Variants in SOS1 observed in about 807,000 individuals in gnomAD.
The protein encoded by SOS1 is son of sevenless homolog 1.
Under a neutral mutation model 157.6 loss-of-function variants are expected in SOS1, and 25 were observed. The ratio of observed to expected loss-of-function variants is 0.16; its 90% CI spans 0.12 to 0.22. The LOEUF (loss-of-function observed/expected upper bound fraction) is 0.22. Ranked by LOEUF, SOS1 falls within the 10% of genes least tolerant of loss-of-function variation. The probability of loss-of-function intolerance (pLI) is 1.00; values close to 1 mark genes in which losing one functional copy is unlikely to be tolerated. For missense variants in SOS1, 1,237 were observed against 1,599.1 expected (o/e 0.77, Z 3.86); for synonymous variants, 528 against 534.0 (o/e 0.99, Z 0.16).
chr2:39,095,055 C>G (rs1179883537), intron 1 of SOS1, among the ~76,000 whole-genome samples: 1 of 152,172 alleles, frequency 6.6e-6, no homozygotes, highest in African/African-American at 2.4e-5. Context: ...CATCCTTCCT[C>G]TCAGCTACCA....
At chr2:39,007,738 A>C (rs1036094129) in intron 15 of SOS1, among the ~76,000 whole-genome samples, 1 of 152,174 alleles carries the variant, frequency 6.6e-6, no homozygotes, top group Non-Finnish European at 1.5e-5. Flanking sequence ...ATATAATTGC[A>C]TTGAGATTCT....
At chr2:39,112,505 G>A (rs1240052972) in intron 1 of SOS1, among the ~76,000 whole-genome samples, 1 of 152,060 alleles carries the variant, frequency 6.6e-6, no homozygotes, top group African/African-American at 2.4e-5. Context: ...GTTTCACCAT[G>A]TTGCCCAGGC....
intron 17 of SOS1, among the ~76,000 whole-genome samples, chr2:39,001,651 A>G (rs1327998622): frequency 6.6e-6 from 1 of 152,230 alleles, no homozygotes; most frequent in Non-Finnish European, 1.5e-5. Context: ...TCTATAAACT[A>G]CCATATAGAC....
At chr2:39,073,106 T>C (rs1043783368) in intron 1 of SOS1, among the ~76,000 whole-genome samples, 1 of 152,202 alleles carries the variant, frequency 6.6e-6, no homozygotes, top group Non-Finnish European at 1.5e-5. Flanking sequence ...CTCCATTCCA[T>C]CATAAATGGT....
At chr2:39,060,329 C>T (rs1671356603) in intron 2 of SOS1, among the ~76,000 whole-genome samples, 2 of 152,188 alleles carry the variant, frequency 1.3e-5, no homozygotes, top group Non-Finnish European at 2.9e-5. Context: ...ACATTATACC[C>T]TTACATACTG....
chr2:39,043,668 T>G (rs1670652509), intron 6 of SOS1, among the ~76,000 whole-genome samples: 1 of 152,190 alleles, frequency 6.6e-6, no homozygotes, highest in South Asian at 2.1e-4. Context: ...GTAGGGACTC[T>G]GCAGAGTCCT....
intron 1 of SOS1, among the ~76,000 whole-genome samples, chr2:39,114,883 C>G (rs1028190403): frequency 3.3e-5 from 5 of 152,184 alleles, no homozygotes; most frequent in African/African-American, 1.2e-4. Flanking sequence ...CAGGTGTGAG[C>G]CATCGCACAC....
At chr2:39,123,229 T>C (rs1014777775), upstream of SOS1, among the ~76,000 whole-genome samples, 11 of 152,224 alleles carry the variant, frequency 7.2e-5, no homozygotes, top group African/African-American at 2.7e-4. Flanking sequence ...CTCACCTGTG[T>C]ATTTCTACCT....
rs769009063 is a variant in SOS1, at chr2:39,035,497, G to T, written c.868C>A (p.Leu290Met). 1 of 1,601,514 alleles carries T rather than the reference G, an allele frequency of 6.2e-7. No individual in the cohort carries two copies. The highest frequency in any genetic ancestry group is 8.6e-7 in the Non-Finnish European group (1 of 1,168,636). Residue 290 changes from leucine (L) to methionine (M), a missense_variant, in exon 7 of 23, where the codon CTG (leucine) becomes ATG (methionine). Physicochemically the swap from Leu to Met is conservative, Grantham distance 15 (BLOSUM62 2). Coordinates refer to ENST00000402219, the MANE Select transcript of SOS1 (RefSeq NM_005633.4). ...GSCFEDLAEE[L>M]AFDPYESYAR... ...TACGATTCATATGGATCAAATGCCA[G>T]TTCCTTAGAAAATAAAGAAGGTAAA...
chr2:39,010,054 G>A lies in SOS1; in HGVS notation c.2510+530C>T, dbSNP rs536018567. The stretch of plus-strand genomic sequence containing the variant: ...GCATTGGTCAGGAGCGATGGCTCAC[G>A]CCTGTAATCCCAGCACTTTGGGAGG... On this transcript the variant is annotated intron_variant, in intron 15 of 22. Coordinates refer to ENST00000402219, the MANE Select transcript of SOS1 (RefSeq NM_005633.4). 2.0e-5 allele frequency among the ~76,000 whole-genome samples: 3 copies of A among 152,254 alleles called. No individual in the cohort carries two copies. The East Asian group carries it at 5.8e-4, about 29-fold the overall frequency.
intron 1 of SOS1, among the ~76,000 whole-genome samples, chr2:39,113,399 T>C (rs1389776484): frequency 2.0e-5 from 3 of 151,270 alleles, no homozygotes; most frequent in Admixed American, 6.6e-5. Context: ...GGTCTCACTA[T>C]GTGGCCTAGG....
chr2:39,060,762 A>C (rs1008216229), intron 2 of SOS1, among the ~76,000 whole-genome samples: 1 of 152,178 alleles, frequency 6.6e-6, no homozygotes, highest in East Asian at 1.9e-4. Context: ...GCAATGCACT[A>C]AAGTAATTTT....
At chr2:39,100,303 T>C (rs936207439) in intron 1 of SOS1, among the ~76,000 whole-genome samples, 2 of 152,174 alleles carry the variant, frequency 1.3e-5, no homozygotes, top group African/African-American at 4.8e-5. Flanking sequence ...ATGACCTAGC[T>C]GGGTATGTAC....
At chr2:39,035,731 C>T (rs1056186100) in intron 6 of SOS1, among the ~76,000 whole-genome samples, 1 of 152,138 alleles carries the variant, frequency 6.6e-6, no homozygotes, top group Non-Finnish European at 1.5e-5. Flanking sequence ...GTTATAACAG[C>T]TCTCATTAAA....
intron 1 of SOS1, chr2:39,098,261 A>G: frequency 4.1e-6 from 1 of 246,448 alleles, no homozygotes; most frequent in Non-Finnish European, 8.3e-6. Context: ...TCCAACTTAC[A>G]TGTTAACTGG....
rs191853536 is a variant in SOS1, at chr2:39,004,086, G to A, written c.2791+2326C>T. On this transcript the variant is annotated intron_variant, in intron 17 of 22. Transcript: ENST00000402219. ...GACAATCCTTAAAACTGTGGCAGGGGTATAGGAAGTCAGTGAGATACAATA... is the reference window on the plus strand; with the variant it reads ...GACAATCCTTAAAACTGTGGCAGGGATATAGGAAGTCAGTGAGATACAATA... Among the ~76,000 whole-genome samples, 445 of 152,270 alleles carry A rather than the reference G, an allele frequency of 2.9e-3. 7 individuals are homozygous for A. The highest frequency in any genetic ancestry group is 0.026 in the Admixed American group (397 of 15,280).
intron 2 of SOS1, among the ~76,000 whole-genome samples, 175 bp from the exon 3 acceptor site, chr2:39,058,979 C>G (rs1182806610): frequency 6.6e-6 from 1 of 151,978 alleles, no homozygotes; most frequent in Non-Finnish European, 1.5e-5. Flanking sequence ...GTATTAGTTC[C>G]TTAATTAGAC....
chr2:39,110,426 C>T (rs1353374705), intron 1 of SOS1, among the ~76,000 whole-genome samples: 2 of 139,594 alleles, frequency 1.4e-5, no homozygotes, highest in Non-Finnish European at 3.0e-5. Context: ...TATATACATA[C>T]ACACGAATCA....
At chr2:39,029,165 CTTAA>C (rs1440386700) in intron 8 of SOS1, among the ~76,000 whole-genome samples, 1 of 152,128 alleles carries the variant, frequency 6.6e-6, no homozygotes, top group Non-Finnish European at 1.5e-5. Flanking sequence ...AGATGAAATT[CTTAA>C]TTAAAACGAA....
Sources: gnomAD v4.1 joint callset for allele counts (sites outside exome capture counted in the v4.1 genomes callset) on GRCh38, gnomAD v4.1.1 for gene constraint, MANE v1.5 for transcripts, NCBI Gene and HGNC (gene_info 2026-07-23, HGNC 2026-07-21) for gene names.